The following UBE4A variants were observed in gnomAD, a reference collection of about 807,000 sequenced individuals.
UBE4A encodes ubiquitination factor E4A.
In UBE4A, 48 loss-of-function variants were observed where a neutral mutation model predicts 117.9. That is an observed-to-expected ratio of 0.41 (90% CI 0.32 to 0.52). The LOEUF is 0.52. Among genes scored for constraint, UBE4A ranks in the 20% least tolerant of loss-of-function variants. The pLI, the probability that UBE4A is intolerant of heterozygous loss-of-function variation, is 0.33. For missense variants in UBE4A, 1,067 were observed against 1,296.3 expected, an observed-to-expected ratio of 0.82 and a Z score of 2.72; for synonymous variants, 407 against 450.0, an observed-to-expected ratio of 0.90 and a Z score of 1.21.
At chr11:118,389,027 C>T (rs947205134) in intron 16 of UBE4A, among the ~76,000 whole-genome samples, 4 of 152,158 alleles carry the variant, frequency 2.6e-5, no homozygotes, top group Non-Finnish European at 4.4e-5. Flanking sequence ...CAGTGGCTCA[C>T]GCCTGTAATC....
intron 1 of UBE4A, among the ~76,000 whole-genome samples, chr11:118,362,463 T>C (rs1238836563): frequency 6.6e-6 from 1 of 152,230 alleles, no homozygotes; most frequent in African/African-American, 2.4e-5. Flanking sequence ...ATATGTCCTA[T>C]ATTCCTGGCT....
chr11:118,375,262 G>T lies in UBE4A; in HGVS notation c.1450+33G>T, dbSNP rs1288922096. On this transcript the variant is annotated intron_variant, in intron 9 of 19. Transcript: ENST00000252108. ...AGAACCAGGCTTCTCAAAACTGTGT[G>T]TGTGTGTGTGTGTAACGTGTAAAGC... 4.6e-6 allele frequency: 7 copies of T among 1,530,730 alleles called. No homozygotes were observed. In the South Asian group the frequency reaches 6.2e-5, roughly 14 times the overall value. 94.8% of individuals were successfully genotyped at this position (1,530,730 alleles called of 1,614,324 possible).
chr11:118,364,544 T>C (rs1452654585), intron 1 of UBE4A, among the ~76,000 whole-genome samples: 3 of 152,118 alleles, frequency 2.0e-5, no homozygotes, highest in Non-Finnish European at 4.4e-5. Context: ...TTTTACTTAA[T>C]TTATATGTAG....
Position 118,374,771 on chromosome 11 carries a change from G to C in UBE4A, c.1117-125G>C. On this transcript the variant is annotated intron_variant, in intron 8 of 19. Coordinates refer to ENST00000252108, the MANE Select transcript of UBE4A (RefSeq NM_001204077.2). ...ATTTTAAAATCAAATTAGGGGATGA[G>C]GCACAGAGAGTGAGGGGAAAGATTA... 8 of 868,230 alleles carry C rather than the reference G, an allele frequency of 9.2e-6. No homozygotes were observed. The South Asian group carries it at 2.3e-4, about 25-fold the overall frequency. 53.8% of individuals were successfully genotyped at this position (868,230 alleles called of 1,614,324 possible).
At chr11:118,369,339 T>A in intron 3 of UBE4A, 84 bp from the exon 4 acceptor site, 1 of 960,588 alleles carries the variant, frequency 1.0e-6, no homozygotes, top group Non-Finnish European at 1.6e-6. Flanking sequence ...AGATTTGCAG[T>A]TCAAGAGTGA....
chr11:118,389,264 T>G (rs1344607730), intron 16 of UBE4A, among the ~76,000 whole-genome samples: 1 of 152,260 alleles, frequency 6.6e-6, no homozygotes, highest in Non-Finnish European at 1.5e-5. Context: ...ATGGATTTTT[T>G]ATTTTTTATT....
chr11:118,365,318 T>C, intron 2 of UBE4A, 117 bp downstream of exon 2: 2 of 1,400,806 alleles, frequency 1.4e-6, no homozygotes, highest in Non-Finnish European at 1.9e-6. Context: ...AAAAGTTGGT[T>C]TTTGTTTGTT....
chr11:118,393,870 A>T (rs569974623), intron 19 of UBE4A, among the ~76,000 whole-genome samples: 3 of 152,264 alleles, frequency 2.0e-5, no homozygotes, highest in Admixed American at 2.0e-4. Flanking sequence ...TGCTGGGATT[A>T]TAGGCATGAG....
In UBE4A at chr11:118,382,692, C is replaced by G; in HGVS notation, c.2113C>G (p.Arg705Gly). 1 of 1,605,714 alleles carries G rather than the reference C, an allele frequency of 6.2e-7. No individual in the cohort carries two copies. Among genetic ancestry groups the G allele is most frequent in the Non-Finnish European group, 8.5e-7 (1 of 1,175,544 alleles). The change falls in exon 13 of 20, where the codon CGG (arginine) becomes GGG (glycine). Residue 705 changes from arginine (R) to glycine (G), a missense_variant. Physicochemically the swap from Arg to Gly is moderately radical, Grantham distance 125. Coordinates refer to ENST00000252108, the MANE Select transcript of UBE4A (RefSeq NM_001204077.2). The stretch of plus-strand genomic sequence containing the variant: ...TCCCTTGGTATCCAGTGTGTTCCAC[C>G]GGAAACGTGTGTTCTGCAACTTTCA... ...PNPLVSSVFH[R>G]KRVFCNFQYA...
chr11:118,366,441 C>T (rs901417468), intron 2 of UBE4A, among the ~76,000 whole-genome samples: 3 of 152,318 alleles, frequency 2.0e-5, no homozygotes, highest in South Asian at 4.1e-4. Flanking sequence ...CAACAGAACG[C>T]TTGTCCTTCT....
chr11:118,385,901 A>G (rs1948752826), intron 15 of UBE4A, among the ~76,000 whole-genome samples: 1 of 152,234 alleles, frequency 6.6e-6, no homozygotes, highest in Admixed American at 6.5e-5. Context: ...ACAAAGCATG[A>G]AGCAGATGGT....
intron 1 of UBE4A, 50 bp downstream of exon 1, chr11:118,359,724 GA>G (rs1234761346): frequency 6.6e-6 from 1 of 152,280 alleles, no homozygotes; most frequent in Non-Finnish European, 1.5e-5. Context: ...TTTGCGTTGT[GA>G]TATTTTCTGC....
Position 118,374,940 on chromosome 11 carries a change from C to A in UBE4A, c.1161C>A (p.Asn387Lys). Residue 387 changes from asparagine to lysine, a missense_variant, in exon 9 of 20, where the codon AAC becomes AAA. Physicochemically the swap from Asn to Lys is moderately conservative, Grantham distance 94. Coordinates refer to ENST00000252108, the MANE Select transcript of UBE4A (RefSeq NM_001204077.2). ...AAAAGATCTACCAGATGCTGAAGAA[C>A]TTACTCCAGCTCTCTCCAGAAACCA... ...FHEKIYQMLK[N>K]LLQLSPETKH... 1 of 1,561,694 alleles carries A rather than the reference C, an allele frequency of 6.4e-7. No homozygotes were observed.
In UBE4A at chr11:118,397,899, T is replaced by TA. The variant is rs1948889917; in HGVS notation, c.*1463dup. ...CTAAGAGGGCTTCCCATCCTAGATA[T>TA]AAAATAGGTGTTGCCTATTGCTGTG... On this transcript the variant is annotated 3_prime_UTR_variant, in exon 20 of 20. Transcript: ENST00000252108. 1 of 152,244 alleles carries TA rather than the reference T, an allele frequency of 6.6e-6. No homozygotes were observed. The highest frequency in any genetic ancestry group is 1.5e-5 in the Non-Finnish European group (1 of 68,040). 9.4% of individuals were successfully genotyped at this position (152,244 alleles called of 1,614,324 possible). A position where few individuals can be genotyped will look rare whatever the true frequency, so the allele number is the denominator to read the frequency against.
chr11:118,393,297 G>A (rs559020608), intron 19 of UBE4A, among the ~76,000 whole-genome samples: 14 of 152,172 alleles, frequency 9.2e-5, no homozygotes, highest in African/African-American at 3.4e-4. Flanking sequence ...CGCACATGTA[G>A]TCTGAGCTAC....
rs1948875430 is a variant in UBE4A at position 118,396,533 on chromosome 11, CTTCTT to C, written c.*101_*105del. 8.0e-6 allele frequency: 9 copies of C among 1,130,658 alleles called. No homozygotes were observed. The highest frequency in any genetic ancestry group is 2.3e-4 in the Middle Eastern group (1 of 4,394). 70.0% of individuals were successfully genotyped at this position (1,130,658 alleles called of 1,614,324 possible). A position where few individuals can be genotyped will look rare whatever the true frequency, so the allele number is the denominator to read the frequency against. ...CTTTCTGGTTCTGTTCCTTTTCTTT[CTTCTT>C]TTCTTTTTCTTTTTTTTTTTTTTTT... On this transcript the variant is annotated 3_prime_UTR_variant, in exon 20 of 20. Coordinates refer to ENST00000252108, the MANE Select transcript of UBE4A (RefSeq NM_001204077.2).
At chr11:118,386,322 C>T in intron 15 of UBE4A, 116 bp from the exon 16 acceptor site, 1 of 1,155,508 alleles carries the variant, frequency 8.7e-7, no homozygotes, top group Non-Finnish European at 1.2e-6. Context: ...ATGTCTTTTA[C>T]ATGGTCCCTC....
chr11:118,375,256 C>CTGTG (rs61368823), intron 9 of UBE4A, 27 bp downstream of exon 9: 21,452 of 1,474,978 alleles, frequency 0.015, 58 homozygotes, highest in Non-Finnish European at 0.016. Context: ...CTTCTCAAAA[C>CTGTG]TGTGTGTGTG....
intron 10 of UBE4A, among the ~76,000 whole-genome samples, chr11:118,377,108 G>C (rs1252248273): frequency 1.3e-5 from 2 of 152,078 alleles, no homozygotes; most frequent in Non-Finnish European, 2.9e-5. Context: ...TATTCTAAAG[G>C]TTCACATTAG....
Sources: gnomAD v4.1 joint callset for allele counts (sites outside exome capture counted in the v4.1 genomes callset) on GRCh38, gnomAD v4.1.1 for gene constraint, MANE v1.5 for transcripts, NCBI Gene and HGNC (gene_info 2026-07-23, HGNC 2026-07-21) for gene names.